Variants in DHX8 observed in about 807,000 individuals in gnomAD.
DHX8 encodes ATP-dependent RNA helicase DHX8.
A neutral mutation model predicts 140.7 loss-of-function variants in DHX8; 67 were observed. That is an observed-to-expected ratio of 0.48 (90% CI 0.39 to 0.58). The LOEUF (loss-of-function observed/expected upper bound fraction) is 0.58, where lower values mean the gene tolerates loss of function less well. DHX8 is among the 20% of genes least tolerant of loss of function. The pLI is 0.00. For synonymous variants in DHX8, 533 were observed against 553.2 expected (o/e 0.96, Z 0.51); for missense variants, 887 against 1,550.7 (o/e 0.57, Z 7.19).
In DHX8 at chr17:43,496,161, G is replaced by A. The variant is rs769130777; in HGVS notation, c.1213-20G>A. 6.9e-6 allele frequency: 11 copies of A among 1,599,376 alleles called. No homozygotes were observed. The East Asian group carries it at 2.2e-4, about 32-fold the overall frequency. On this transcript the variant is annotated intron_variant, in intron 8 of 22. Transcript: ENST00000262415. ...TTGATCTTAGCAGGTTACAAATGCT[G>A]CCTTCTCTTCTTTGGCTAGATGATT...
downstream of DHX8, chr17:43,529,284 A>G: frequency 6.3e-7 from 1 of 1,581,154 alleles, no homozygotes; most frequent in Non-Finnish European, 8.7e-7. Flanking sequence ...TGGCAGAGGA[A>G]AAAATGGGGG....
intron 12 of DHX8, among the ~76,000 whole-genome samples, chr17:43,505,130 G>T (rs115890930): frequency 1.4e-4 from 21 of 152,268 alleles, no homozygotes; most frequent in Admixed American, 1.3e-3. Context: ...AAAAAATTTG[G>T]TGGGGCGTGG....
At chr17:43,538,137 T>A (rs1478725870) in intron 3 of DHX8, among the ~76,000 whole-genome samples, 7 of 93,426 alleles carry the variant, frequency 7.5e-5, no homozygotes, top group Non-Finnish European at 1.2e-4. Flanking sequence ...CAAGACTCCA[T>A]TTCAAAAAAA....
At chr17:43,499,844 G>A (rs1969082484) in intron 10 of DHX8, 112 bp from the exon 11 acceptor site, 1 of 1,194,280 alleles carries the variant, frequency 8.4e-7, no homozygotes, top group Non-Finnish European at 1.2e-6. Flanking sequence ...CTGTTACATT[G>A]ATAAGAACTT....
At chr17:43,537,108 AT>A (rs1971281565) in intron 3 of DHX8, among the ~76,000 whole-genome samples, 1 of 152,168 alleles carries the variant, frequency 6.6e-6, no homozygotes, top group South Asian at 2.1e-4. Context: ...GCTCACGCCT[AT>A]AATCCCAGCA....
downstream of DHX8, among the ~76,000 whole-genome samples, chr17:43,531,439 CT>C (rs1970931547): frequency 6.6e-6 from 1 of 152,170 alleles, no homozygotes; most frequent in South Asian, 2.1e-4. Flanking sequence ...CTGCCCTTGC[CT>C]CTGGCCAGGG....
rs1189809457 is a variant in DHX8, at chr17:43,522,312, A to G, written c.3443+86A>G. 20 of 1,361,636 alleles carry G rather than the reference A, an allele frequency of 1.5e-5. No homozygotes were observed. The East Asian group carries it at 4.7e-4, about 32-fold the overall frequency. 84.3% of individuals were successfully genotyped at this position (1,361,636 alleles called of 1,614,324 possible). A position where few individuals can be genotyped will look rare whatever the true frequency, so the allele number is the denominator to read the frequency against. On this transcript the variant is annotated intron_variant, in intron 22 of 22. Transcript: ENST00000262415. ...CCTGGTATTTTGTGATTGTGTCTTC[A>G]CTACTCCCAGTATGTCCTAGTATAA...
chr17:43,513,646 T>A, intron 17 of DHX8, 144 bp downstream of exon 17: 1 of 700,492 alleles, frequency 1.4e-6, no homozygotes, highest in Middle Eastern at 3.1e-4. Flanking sequence ...GGAAGGATTT[T>A]TTGTTATTTG....
intron 1 of DHX8, among the ~76,000 whole-genome samples, chr17:43,487,837 C>T (rs145974383): frequency 1.5e-3 from 227 of 152,006 alleles, no homozygotes; most frequent in African/African-American, 5.2e-3. Context: ...ATTAGCCAGG[C>T]GTGGTGGAGG....
At chr17:43,522,361 C>T in intron 22 of DHX8, 135 bp downstream of exon 22, 1 of 842,724 alleles carries the variant, frequency 1.2e-6, no homozygotes, top group Non-Finnish European at 1.8e-6. Flanking sequence ...TCTAGAGCAG[C>T]AGAAACCTGA....
At chr17:43,521,719 C>G (rs753437130) in intron 21 of DHX8, among the ~76,000 whole-genome samples, 154 bp downstream of exon 21, 1 of 152,114 alleles carries the variant, frequency 6.6e-6, no homozygotes, top group Non-Finnish European at 1.5e-5. Flanking sequence ...TTGTTATATT[C>G]CTTCTCCCCA....
chr17:43,493,155 C>A, intron 6 of DHX8, 115 bp downstream of exon 6: 1 of 1,385,196 alleles, frequency 7.2e-7, no homozygotes, highest in Non-Finnish European at 9.8e-7. Context: ...TCAAATCAGC[C>A]ATACATGGTT....
chr17:43,537,548 TAGTC>T lies in DHX8; in HGVS notation c.*20+1053_*20+1056del, dbSNP rs1022429082. ...CATCTCTACTAAAAAATTAAAAAAT[TAGTC>T]AGGCGTGGCGGTGGGCACCTGTAAT... is the stretch of plus-strand genomic sequence containing the variant. On this transcript the variant is annotated intron_variant, in intron 3 of 3. Coordinates refer to the DHX8 transcript ENST00000589898. Among the ~76,000 whole-genome samples, 5 of 149,492 alleles carry T rather than the reference TAGTC, an allele frequency of 3.3e-5. No individual in the cohort carries two copies. In the South Asian group the frequency reaches 8.5e-4, roughly 25 times the overall value.
At chr17:43,485,875 A>C (rs1365032997) in intron 1 of DHX8, among the ~76,000 whole-genome samples, 1 of 152,212 alleles carries the variant, frequency 6.6e-6, no homozygotes, top group Non-Finnish European at 1.5e-5. Flanking sequence ...TCTGTTACAT[A>C]CAGAATTATA....
downstream of DHX8, among the ~76,000 whole-genome samples, chr17:43,530,799 C>T (rs1218718470): frequency 5.9e-5 from 9 of 152,208 alleles, no homozygotes; most frequent in Admixed American, 4.6e-4. Flanking sequence ...TGAAGCCACC[C>T]GTTCAAGTTC....
At chr17:43,522,293 A>G (rs1322409839) in intron 22 of DHX8, 67 bp downstream of exon 22, 1 of 1,501,080 alleles carries the variant, frequency 6.7e-7, no homozygotes, top group Non-Finnish European at 9.0e-7. Flanking sequence ...ATTTCCTGGT[A>G]TTTTGTGATT....
chr17:43,524,856 C>A lies in DHX8; in HGVS notation c.*1009C>A, dbSNP rs558824999. 1.0e-5 allele frequency: 10 copies of A among 985,398 alleles called. No individual in the cohort carries two copies. The South Asian group carries it at 3.3e-4, about 32-fold the overall frequency. The allele number at this position is 985,398 out of a possible 1,614,324, so 61.0% of individuals were successfully genotyped here. A position where few individuals can be genotyped will look rare whatever the true frequency, so the allele number is the denominator to read the frequency against. On this transcript the variant is annotated 3_prime_UTR_variant, in exon 23 of 23. Coordinates refer to ENST00000262415, the MANE Select transcript of DHX8 (RefSeq NM_004941.3). ...CTCTCCTCTCAGCTGGTTTGTGCTG[C>A]CAGTATCTGTGCTGCAGGGCTTGTT...
chr17:43,543,299 C>CAA (rs1412467089), intron 3 of DHX8, among the ~76,000 whole-genome samples: 3 of 151,592 alleles, frequency 2.0e-5, no homozygotes, highest in Non-Finnish European at 4.4e-5. Flanking sequence ...CTCTCTCTCA[C>CAA]ACACACACTT....
At chr17:43,529,331 A>T, downstream of DHX8, 1 of 1,431,396 alleles carries the variant, frequency 7.0e-7, no homozygotes, top group Non-Finnish European at 9.8e-7. Flanking sequence ...CTTGGTGCAA[A>T]GTGCCAAGCT....
Sources: gnomAD v4.1 joint callset for allele counts (sites outside exome capture counted in the v4.1 genomes callset) on GRCh38, gnomAD v4.1.1 for gene constraint, MANE v1.5 for transcripts, NCBI Gene and HGNC (gene_info 2026-07-23, HGNC 2026-07-21) for gene names.